The following CUX1 variants were observed in gnomAD, a reference collection of about 807,000 sequenced individuals.
CUX1 encodes protein CASP.
In CUX1, 31 loss-of-function variants were observed where a neutral mutation model predicts 158.8. The observed-to-expected ratio is 0.20, with a 90% CI of 0.15 to 0.26. The LOEUF (loss-of-function observed/expected upper bound fraction) is 0.26. Among genes scored for constraint, CUX1 ranks in the 10% least tolerant of loss-of-function variants. CUX1 has a pLI of 1.00. For missense variants in CUX1, 1,589 were observed against 2,014.6 expected, an observed-to-expected ratio of 0.79 and a Z score of 4.04; for synonymous variants, 879 against 862.1, an observed-to-expected ratio of 1.02 and a Z score of -0.34.
chr7:102,222,570 T>C (rs1226919113), intron 20 of CUX1, among the ~76,000 whole-genome samples: 1 of 152,008 alleles, frequency 6.6e-6, no homozygotes, highest in Non-Finnish European at 1.5e-5. Flanking sequence ...TGAAATGTGT[T>C]TTGGTTCCCT....
intron 2 of CUX1, among the ~76,000 whole-genome samples, chr7:101,966,309 T>C (rs1287845243): frequency 6.6e-6 from 1 of 151,952 alleles, no homozygotes; most frequent in Non-Finnish European, 1.5e-5. Flanking sequence ...CTGTCTTTTT[T>C]TTTTTTTTTT....
intron 1 of CUX1, among the ~76,000 whole-genome samples, chr7:101,896,404 G>A (rs532973415): frequency 6.1e-4 from 93 of 152,310 alleles, no homozygotes; most frequent in Middle Eastern, 6.8e-3. Flanking sequence ...GAATGAAGGG[G>A]TGTATGAAGG....
At chr7:102,146,892 C>G (rs1554502219) in intron 8 of CUX1, among the ~76,000 whole-genome samples, 1 of 152,130 alleles carries the variant, frequency 6.6e-6, no homozygotes, top group Non-Finnish European at 1.5e-5. Context: ...AGCCACTGCG[C>G]CTGGCCTAAA....
At chr7:102,052,513 A>G (rs1823636765) in intron 3 of CUX1, among the ~76,000 whole-genome samples, 2 of 151,968 alleles carry the variant, frequency 1.3e-5, no homozygotes, top group Admixed American at 6.6e-5. Context: ...TGGATGTCCC[A>G]TGTTTTATTT....
Position 101,875,574 on chromosome 7 carries a change from G to A in CUX1, c.31-40541G>A, listed in dbSNP as rs114764463. ...ACTCCACCTCCCTTCTTTCGAGGTC[G>A]TGGTGTTTTGTTTGCTGTTTTAGCT... On this transcript the variant is annotated intron_variant, in intron 1 of 23. Transcript: ENST00000292535. 6.4e-3 allele frequency among the ~76,000 whole-genome samples: 967 copies of A among 152,238 alleles called. 13 individuals are homozygous for A. The highest frequency in any genetic ancestry group is 0.022 in the African/African-American group (899 of 41,538).
chr7:101,879,839 C>A (rs536666726), intron 1 of CUX1, among the ~76,000 whole-genome samples: 5 of 152,386 alleles, frequency 3.3e-5, no homozygotes, highest in African/African-American at 1.2e-4. Context: ...CCCAGGGTCT[C>A]TAAGCACAGG....
chr7:102,182,376 T>C (rs1396664020), intron 11 of CUX1, among the ~76,000 whole-genome samples: 4 of 152,258 alleles, frequency 2.6e-5, no homozygotes, highest in African/African-American at 9.6e-5. Context: ...GACTGACTAA[T>C]TGGTTTTCTT....
chr7:101,971,770 T>C (rs181114469), intron 2 of CUX1, among the ~76,000 whole-genome samples: 5 of 152,346 alleles, frequency 3.3e-5, no homozygotes, highest in Admixed American at 2.0e-4. Context: ...CTTGGTTTCA[T>C]TGCCGGTTAC....
At chr7:101,921,609 C>T (rs1250180736) in intron 2 of CUX1, among the ~76,000 whole-genome samples, 1 of 152,000 alleles carries the variant, frequency 6.6e-6, no homozygotes, top group Non-Finnish European at 1.5e-5. Flanking sequence ...TACACGTACC[C>T]GTCACCATGC....
chr7:102,132,819 C>A (rs1294746013), intron 8 of CUX1, among the ~76,000 whole-genome samples: 1 of 151,576 alleles, frequency 6.6e-6, no homozygotes, highest in Non-Finnish European at 1.5e-5. Flanking sequence ...TTACAGGCAC[C>A]CGCCACTACA....
intron 1 of CUX1, among the ~76,000 whole-genome samples, chr7:101,904,171 G>A (rs1188348690): frequency 6.6e-6 from 1 of 151,058 alleles, no homozygotes; most frequent in Non-Finnish European, 1.5e-5. Context: ...ATGGTGGCAC[G>A]CGCCCGTAAT....
chr7:101,855,543 A>G (rs186945296), intron 1 of CUX1, among the ~76,000 whole-genome samples: 22 of 152,338 alleles, frequency 1.4e-4, no homozygotes, highest in Admixed American at 3.9e-4. Context: ...TTGAGTTACA[A>G]CATTCATTTT....
intron 4 of CUX1, among the ~76,000 whole-genome samples, chr7:102,075,139 G>A (rs895383730): frequency 5.9e-5 from 9 of 152,158 alleles, no homozygotes; most frequent in South Asian, 2.1e-4. Context: ...GATTACAGGC[G>A]TGAGCACCAT....
chr7:102,151,228 GGCA>G (rs1835618376), intron 8 of CUX1, among the ~76,000 whole-genome samples: 2 of 152,128 alleles, frequency 1.3e-5, no homozygotes, highest in East Asian at 3.9e-4. Context: ...GGGGGGAGGA[GGCA>G]GCAGTTTGGA....
In CUX1 at chr7:101,916,363, C is replaced by A. The variant is rs1804210133; in HGVS notation, c.141+138C>A. ...ACAACCCGTTTCTTTCCCCAGATGT[C>A]TTCAGCCCCATTTCCAGCAGAACGC... On this transcript the variant is annotated intron_variant, in intron 2 of 23. Coordinates refer to ENST00000292535, the MANE Select transcript of CUX1 (RefSeq NM_181552.4). The surrounding 1 kb of genome is among the most constrained non-coding windows in gnomAD (Gnocchi z 4.4). 2 of 603,490 alleles carry A rather than the reference C, an allele frequency of 3.3e-6. No individual in the cohort carries two copies. The highest frequency in any genetic ancestry group is 3.0e-5 in the East Asian group (1 of 33,240). 37.4% of individuals were successfully genotyped at this position (603,490 alleles called of 1,614,324 possible).
At chr7:101,909,753 C>T (rs551122598) in intron 1 of CUX1, among the ~76,000 whole-genome samples, 25 of 152,290 alleles carry the variant, frequency 1.6e-4, no homozygotes, top group Non-Finnish European at 3.1e-4. Context: ...GTATGTTTTT[C>T]CCACCAGCCC....
intron 4 of CUX1, among the ~76,000 whole-genome samples, chr7:102,086,835 C>T (rs1351609479): frequency 6.6e-6 from 1 of 151,974 alleles, no homozygotes; most frequent in East Asian, 1.9e-4. Context: ...GCAAATATAC[C>T]TTTAAGATTA....
At chr7:102,204,091 C>A (rs2132061117) in intron 18 of CUX1, among the ~76,000 whole-genome samples, 1 of 152,304 alleles carries the variant, frequency 6.6e-6, no homozygotes, top group African/African-American at 2.4e-5. Context: ...GGGTGACAGC[C>A]CTGCCATCTT....
chr7:102,152,373 C>A (rs1835786169), intron 8 of CUX1, among the ~76,000 whole-genome samples: 1 of 152,124 alleles, frequency 6.6e-6, no homozygotes. Context: ...AAAAAGAATT[C>A]TCAGAAAAAT....
Sources: gnomAD v4.1 joint callset for allele counts (sites outside exome capture counted in the v4.1 genomes callset) on GRCh38, gnomAD v4.1.1 for gene constraint, Gnocchi (gnomAD v3.1) non-coding constraint, MANE v1.5 for transcripts, NCBI Gene and HGNC (gene_info 2026-07-23, HGNC 2026-07-21) for gene names.